The following NDC1 variants were observed in gnomAD, a reference collection of about 807,000 sequenced individuals.
The protein encoded by NDC1 is NDC1 transmembrane nucleoporin, also known as nucleoporin NDC1.
A neutral mutation model predicts 89.8 loss-of-function variants in NDC1; 24 were observed. That is an observed-to-expected ratio of 0.27 (90% CI 0.19 to 0.38). The LOEUF (loss-of-function observed/expected upper bound fraction) is 0.38, where lower values mean the gene tolerates loss of function less well. NDC1 is among the 10% of genes least tolerant of loss of function. NDC1 has a pLI of 1.00. For synonymous variants in NDC1, 296 were observed against 284.8 expected (o/e 1.04, Z -0.39); for missense variants, 728 against 797.6 (o/e 0.91, Z 1.05).
At chr1:53,806,659 T>C in intron 8 of NDC1, 142 bp from the exon 9 acceptor site, 2 of 426,218 alleles carry the variant, frequency 4.7e-6, no homozygotes, top group Non-Finnish European at 8.0e-6. Context: ...TAAAGTTACA[T>C]AAACCCAAAC....
In NDC1 at chr1:53,838,253, C is replaced by T. The variant is rs1417750075; in HGVS notation, c.9G>A (p.Thr3=). 6.5e-7 allele frequency: 1 copy of T among 1,537,258 alleles called. No individual in the cohort carries two copies. Among genetic ancestry groups the T allele is most frequent in the Non-Finnish European group, 8.7e-7 (1 of 1,145,696 alleles). The stretch of plus-strand genomic sequence containing the variant: ...TGCCGGCGCAGGGCCGGCTCACGGC[C>T]GTGGCCATGGAGATGGCGGCCCCTA... MA[T]AVSRPCAGRS... The change falls in exon 1 of 18, where the codon ACG becomes ACA. Residue 3 remains threonine, a synonymous_variant. Coordinates refer to ENST00000371429, the MANE Select transcript of NDC1 (RefSeq NM_018087.5).
chr1:53,821,263 G>A (rs943528087), intron 5 of NDC1, among the ~76,000 whole-genome samples: 3 of 151,762 alleles, frequency 2.0e-5, no homozygotes, highest in East Asian at 2.0e-4. Flanking sequence ...GCAAAGCCCC[G>A]TCTCTACTAA....
In NDC1 at chr1:53,807,652, A is replaced by C. The variant is rs777669504; in HGVS notation, c.891+4T>G. On this transcript the variant is annotated splice_donor_region_variant and intron_variant, in intron 8 of 17. Coordinates refer to ENST00000371429, the MANE Select transcript of NDC1 (RefSeq NM_018087.5). ...ATTAAGAAAAAATATTTTAAAAAAC[A>C]TACCTCTGTGGCATAGATTTTGAAG... The C allele has an allele frequency of 1.9e-6, 3 of 1,586,730 alleles. No individual in the cohort carries two copies. The highest frequency in any genetic ancestry group is 2.7e-5 in the African/African-American group (2 of 72,952).
intron 10 of NDC1, among the ~76,000 whole-genome samples, chr1:53,801,936 T>C (rs1286953072): frequency 1.3e-5 from 2 of 152,064 alleles, no homozygotes; most frequent in Non-Finnish European, 2.9e-5. Context: ...TTTGTATTTT[T>C]AGTAGAGACA....
intron 3 of NDC1, among the ~76,000 whole-genome samples, chr1:53,830,492 C>A (rs564451996): frequency 6.6e-6 from 1 of 151,900 alleles, no homozygotes; most frequent in Non-Finnish European, 1.5e-5. Flanking sequence ...GAAAAGGATA[C>A]GTATTGTAAC....
intron 14 of NDC1, among the ~76,000 whole-genome samples, chr1:53,790,667 A>G (rs1328244193): frequency 1.3e-5 from 2 of 152,128 alleles, no homozygotes; most frequent in African/African-American, 4.8e-5. Flanking sequence ...AGATCATGCC[A>G]CTGCACTCCA....
At chr1:53,782,694 G>C (rs1309812030) in intron 16 of NDC1, among the ~76,000 whole-genome samples, 1 of 152,214 alleles carries the variant, frequency 6.6e-6, no homozygotes, top group African/African-American at 2.4e-5. Flanking sequence ...TCTTTACTAA[G>C]ATCTAATTAA....
rs553039475 is a variant in NDC1 at position 53,811,257 on chromosome 1, G to C, written c.704-1511C>G. On this transcript the variant is annotated intron_variant, in intron 6 of 17. Coordinates refer to ENST00000371429, the MANE Select transcript of NDC1 (RefSeq NM_018087.5). ...GCTGAACTTTGTAACAATTTAAATGGGGCAAGAAGCCTCCTGGCCAGAACT... is the reference window on the plus strand; with the variant it reads ...GCTGAACTTTGTAACAATTTAAATGCGGCAAGAAGCCTCCTGGCCAGAACT... Among the ~76,000 whole-genome samples the C allele has an allele frequency of 6.6e-5, 10 of 152,268 alleles. No individual in the cohort carries two copies. In the East Asian group the frequency reaches 1.7e-3, roughly 27 times the overall value.
chr1:53,780,187 C>T (rs368313930), intron 16 of NDC1, among the ~76,000 whole-genome samples: 1 of 152,186 alleles, frequency 6.6e-6, no homozygotes. Context: ...ATTCTCCCAC[C>T]TCAGCCTCCC....
At chr1:53,834,561 A>C (rs923859686) in intron 2 of NDC1, among the ~76,000 whole-genome samples, 1 of 152,204 alleles carries the variant, frequency 6.6e-6, no homozygotes, top group African/African-American at 2.4e-5. Context: ...AAGGCAAAAG[A>C]AAGACCAATT....
chr1:53,814,787 C>T (rs1648423700), intron 6 of NDC1, among the ~76,000 whole-genome samples: 1 of 152,188 alleles, frequency 6.6e-6, no homozygotes, highest in South Asian at 2.1e-4. Context: ...ACTGACACCA[C>T]TGAAATATGA....
At chr1:53,803,803 C>A (rs951521884) in intron 10 of NDC1, 125 bp downstream of exon 10, 3 of 693,538 alleles carry the variant, frequency 4.3e-6, no homozygotes, top group African/African-American at 1.8e-5. Context: ...GATCTCCTGA[C>A]CTCATGATCC....
Position 53,807,690 on chromosome 1 carries a change from A to G in NDC1, c.857T>C (p.Val286Ala), listed in dbSNP as rs1357405170. 1.2e-6 allele frequency: 2 copies of G among 1,613,542 alleles called. No individual in the cohort carries two copies. Among genetic ancestry groups the G allele is most frequent in the East Asian group, 4.5e-5 (2 of 44,856 alleles). ...ATAGATTTTGAAGAGTATCCATGAGACATACCAAGTCGTCAGGAGAAAGAC... is the reference window on the plus strand; with the variant it reads ...ATAGATTTTGAAGAGTATCCATGAGGCATACCAAGTCGTCAGGAGAAAGAC... Reference protein sequence around the residue: ...CGVFLLTTWYVSWILFKIYAT... With the variant: ...CGVFLLTTWYASWILFKIYAT... Residue 286 changes from valine to alanine, a missense_variant, in exon 8 of 18, where the codon GTC becomes GCC. By Grantham distance (64) the Val-to-Ala change is moderately conservative (BLOSUM62 0). Transcript: ENST00000371429.
At chr1:53,807,616 A>T (rs755832855) in intron 8 of NDC1, 40 bp downstream of exon 8, 3 of 1,563,008 alleles carry the variant, frequency 1.9e-6, no homozygotes, top group Non-Finnish European at 2.6e-6. Flanking sequence ...TGCACTCCAA[A>T]ACACAAAAGT....
intron 13 of NDC1, among the ~76,000 whole-genome samples, chr1:53,793,748 T>C (rs1398562042): frequency 6.6e-6 from 1 of 151,782 alleles, no homozygotes; most frequent in African/African-American, 2.4e-5. Flanking sequence ...CACCACCATG[T>C]CCGGTTAATT....
intron 15 of NDC1, among the ~76,000 whole-genome samples, chr1:53,788,286 T>A (rs1431875722): frequency 6.6e-6 from 1 of 151,934 alleles, no homozygotes; most frequent in Non-Finnish European, 1.5e-5. Flanking sequence ...ACAGCAAGAC[T>A]CCATCTCTTC....
chr1:53,798,308 A>C (rs1647793551), intron 11 of NDC1, among the ~76,000 whole-genome samples: 2 of 149,954 alleles, frequency 1.3e-5, no homozygotes, highest in Middle Eastern at 6.9e-3. Context: ...TAGCTAGGAT[A>C]ACAGGCATGC....
chr1:53,792,590 AAG>A (rs922921818), intron 14 of NDC1, among the ~76,000 whole-genome samples: 1 of 152,244 alleles, frequency 6.6e-6, no homozygotes, highest in African/African-American at 2.4e-5. Context: ...TATCTGCAGA[AAG>A]AGAGGCTAGA....
At chr1:53,809,635 T>C (rs1570208686) in intron 7 of NDC1, 60 bp downstream of exon 7, 5 of 1,261,626 alleles carry the variant, frequency 4.0e-6, no homozygotes, top group Non-Finnish European at 4.5e-6. Flanking sequence ...ATCTGGAAAA[T>C]AGCAAACATC....
Sources: allele counts gnomAD v4.1 joint callset (sites outside exome capture counted in the v4.1 genomes callset), GRCh38; gene constraint gnomAD v4.1.1; transcripts MANE v1.5; gene names NCBI Gene and HGNC (gene_info 2026-07-23, HGNC 2026-07-21).